Variants in DNM3 observed in about 807,000 individuals in gnomAD.
The protein encoded by DNM3 is dynamin-3.
A neutral mutation model predicts 101.6 loss-of-function variants in DNM3; 47 were observed. The ratio of observed to expected loss-of-function variants is 0.46; its 90% CI spans 0.37 to 0.59. DNM3 has a LOEUF of 0.59. DNM3 is among the 20% of genes least tolerant of loss of function. The pLI is 0.00. For synonymous variants in DNM3, 385 were observed against 387.9 expected, an observed-to-expected ratio of 0.99 and a Z score of 0.09; for missense variants, 849 against 1,085.7, an observed-to-expected ratio of 0.78 and a Z score of 3.06.
intron 14 of DNM3, among the ~76,000 whole-genome samples, chr1:172,198,736 T>G (rs1195280654): frequency 6.6e-6 from 1 of 152,084 alleles, no homozygotes; most frequent in Non-Finnish European, 1.5e-5. Flanking sequence ...GTTGTTTTTA[T>G]TTCTGTGGGT....
At chr1:171,893,613 C>T (rs933020727) in intron 1 of DNM3, among the ~76,000 whole-genome samples, 2 of 151,964 alleles carry the variant, frequency 1.3e-5, no homozygotes, top group Admixed American at 1.3e-4. Flanking sequence ...ACCAACACAC[C>T]GAACTAATTA....
intron 1 of DNM3, among the ~76,000 whole-genome samples, chr1:171,902,377 A>G (rs1275026224): frequency 6.6e-6 from 1 of 152,220 alleles, no homozygotes; most frequent in Non-Finnish European, 1.5e-5. Flanking sequence ...CTCATGATTG[A>G]ATTGTGGTAG....
At position 172,216,752 on chromosome 1, in the gene DNM3, CAT is replaced by C. The variant is rs1389439112; in HGVS notation, c.1660-36820_1660-36819del. Among the ~76,000 whole-genome samples, 6 of 150,438 alleles carry C rather than the reference CAT, an allele frequency of 4.0e-5. No homozygotes were observed. In the South Asian group the frequency reaches 1.2e-3, roughly 31 times the overall value. On this transcript the variant is annotated intron_variant, in intron 14 of 20. Coordinates refer to ENST00000627582, the MANE Select transcript of DNM3 (RefSeq NM_015569.5). ...GGAGTAGAGGGAATACACACACACACATGCACACACACACACACACACACATG... is the reference window on the plus strand; with the variant it reads ...GGAGTAGAGGGAATACACACACACACGCACACACACACACACACACACATG...
intron 10 of DNM3, among the ~76,000 whole-genome samples, chr1:172,053,286 A>G (rs1203684123): frequency 6.6e-6 from 1 of 151,908 alleles, no homozygotes; most frequent in Non-Finnish European, 1.5e-5. Flanking sequence ...CCTTTTGTCT[A>G]GAATGTCTCA....
In DNM3 at chr1:171,988,939, A is replaced by T. The variant is rs1308328909; in HGVS notation, c.386-6A>T. On this transcript the variant is annotated splice_polypyrimidine_tract_variant and splice_region_variant and intron_variant, in intron 3 of 20. Transcript: ENST00000627582. Reference sequence around the variant, plus strand: ...TATGTAAGACTCCTTTATCCTTTCCACACAGTGTTAAATCTAACCCTTATT... The same window carrying T: ...TATGTAAGACTCCTTTATCCTTTCCTCACAGTGTTAAATCTAACCCTTATT... 1.3e-6 allele frequency: 2 copies of T among 1,576,458 alleles called. No homozygotes were observed. The highest frequency in any genetic ancestry group is 2.7e-5 in the African/African-American group (2 of 74,252).
At chr1:171,969,273 G>C (rs1170181730) in intron 2 of DNM3, among the ~76,000 whole-genome samples, 2 of 152,196 alleles carry the variant, frequency 1.3e-5, no homozygotes, top group Non-Finnish European at 1.5e-5. Flanking sequence ...AGGGCCACAT[G>C]GTTGATGCTA....
chr1:172,212,937 C>T (rs535571257), intron 14 of DNM3, among the ~76,000 whole-genome samples: 37 of 152,154 alleles, frequency 2.4e-4, no homozygotes, highest in African/African-American at 8.2e-4. Context: ...CCTTAGAGAT[C>T]GTCGTGTAGT....
At chr1:171,935,274 C>T (rs1000187345) in intron 2 of DNM3, among the ~76,000 whole-genome samples, 3 of 151,898 alleles carry the variant, frequency 2.0e-5, no homozygotes, top group East Asian at 1.9e-4. Flanking sequence ...GTTGCCAAAC[C>T]GAGCCAAAAA....
At chr1:172,149,053 T>C (rs1373137569) in intron 14 of DNM3, among the ~76,000 whole-genome samples, 2 of 152,164 alleles carry the variant, frequency 1.3e-5, no homozygotes, top group Admixed American at 6.5e-5. Context: ...CTATAAATCA[T>C]AAACTTAATG....
intron 17 of DNM3, among the ~76,000 whole-genome samples, chr1:172,365,336 G>A (rs1367208574): frequency 6.6e-6 from 1 of 151,876 alleles, no homozygotes; most frequent in Admixed American, 6.6e-5. Context: ...GTGGTGAATT[G>A]TTGAAGTTGA....
chr1:172,304,718 G>A (rs1392177268), intron 15 of DNM3, among the ~76,000 whole-genome samples: 1 of 152,168 alleles, frequency 6.6e-6, no homozygotes, highest in Admixed American at 6.5e-5. Context: ...TAGAACTCAG[G>A]ATTAAGAAAC....
At chr1:171,907,956 A>G (rs992218749) in intron 1 of DNM3, among the ~76,000 whole-genome samples, 1 of 152,244 alleles carries the variant, frequency 6.6e-6, no homozygotes, top group African/African-American at 2.4e-5. Context: ...GTAAAGATAC[A>G]CATAATGTTT....
At position 172,387,184 on chromosome 1, in the gene DNM3, G is replaced by T; in HGVS notation, c.2110G>T (p.Asp704Tyr). Residue 704 changes from aspartate to tyrosine, a missense_variant, in exon 19 of 21, where the codon GAC (aspartate) becomes TAC (tyrosine). Asp to Tyr is a radical substitution (Grantham distance 160). This residue lies in a region of DNM3 where 256 missense variants were observed against 311.7 expected (regional missense o/e 0.82). Transcript: ENST00000627582. ...ELLAQLYSSE[D>Y]QNTLMEESAE... is the part of the protein sequence containing the mutation. ...CCTAGCACAGTTGTATTCTTCAGAGGACCAAAATACCCTGATGGAGGAATC... is the reference window on the plus strand; with the variant it reads ...CCTAGCACAGTTGTATTCTTCAGAGTACCAAAATACCCTGATGGAGGAATC... 1 of 1,613,898 alleles carries T rather than the reference G, an allele frequency of 6.2e-7. No individual in the cohort carries two copies. The highest frequency in any genetic ancestry group is 1.1e-5 in the South Asian group (1 of 91,062).
In DNM3 at chr1:172,256,879, C is replaced by G. The variant is rs572846412; in HGVS notation, c.1769+3197C>G. The stretch of plus-strand genomic sequence containing the variant: ...GAAATTTAACAATTTTATTACCATT[C>G]AGTTCTGTTTCCTATTCTTCATCAT... On this transcript the variant is annotated intron_variant, in intron 15 of 20. Transcript: ENST00000627582. Among the ~76,000 whole-genome samples, 343 of 148,792 alleles carry G rather than the reference C, an allele frequency of 2.3e-3. 1 individual carries two copies. The highest frequency in any genetic ancestry group is 8.0e-3 in the African/African-American group (326 of 40,882).
intron 2 of DNM3, among the ~76,000 whole-genome samples, chr1:171,925,274 C>T (rs895102622): frequency 1.1e-4 from 16 of 151,666 alleles, no homozygotes; most frequent in African/African-American, 3.9e-4. Context: ...GTCACCCAGG[C>T]TGGAGTGCAG....
intron 15 of DNM3, among the ~76,000 whole-genome samples, chr1:172,259,036 T>C (rs551907196): frequency 6.6e-6 from 1 of 152,206 alleles, no homozygotes; most frequent in African/African-American, 2.4e-5. Flanking sequence ...TTTTTCACTT[T>C]CCATGTATTT....
chr1:171,953,420 C>CTTT (rs749644835), intron 2 of DNM3, among the ~76,000 whole-genome samples: 5 of 129,000 alleles, frequency 3.9e-5, no homozygotes, highest in Non-Finnish European at 3.4e-5. Context: ...ATGCGCAATT[C>CTTT]TTTTTTTTTT....
intron 16 of DNM3, among the ~76,000 whole-genome samples, chr1:172,322,376 G>A (rs1213791030): frequency 6.6e-6 from 1 of 152,092 alleles, no homozygotes; most frequent in Non-Finnish European, 1.5e-5. Context: ...ATCTGTTCCC[G>A]GCCCATATCC....
intron 14 of DNM3, among the ~76,000 whole-genome samples, chr1:172,145,346 C>T (rs926325330): frequency 2.0e-5 from 3 of 150,690 alleles, no homozygotes; most frequent in Non-Finnish European, 3.0e-5. Flanking sequence ...CTCTCTCTCT[C>T]CCCCTCTTCC....
Sources: gnomAD v4.1 joint callset for allele counts (sites outside exome capture counted in the v4.1 genomes callset) on GRCh38, gnomAD v4.1.1 for gene constraint, gnomAD v4.1.1 regional missense constraint, MANE v1.5 for transcripts, NCBI Gene and HGNC (gene_info 2026-07-23, HGNC 2026-07-21) for gene names.